The following ADRA1A variants were observed in gnomAD, a reference collection of about 807,000 sequenced individuals.
ADRA1A encodes alpha-1A adrenergic receptor.
Under a neutral mutation model 29.6 loss-of-function variants are expected in ADRA1A, and 31 were observed. That is an observed-to-expected ratio of 1.05 (90% confidence interval 0.79 to 1.41). ADRA1A has a LOEUF of 1.41. Among genes scored for constraint, ADRA1A ranks in the 40% most tolerant of loss-of-function variants. ADRA1A has a pLI of 0.00. For missense variants in ADRA1A, 619 were observed against 601.1 expected (o/e 1.03, Z -0.31); for synonymous variants, 311 against 254.3 (o/e 1.22, Z -2.12).
chr8:26,816,054 C>T (rs1479901663), intron 2 of ADRA1A, among the ~76,000 whole-genome samples: 1 of 152,190 alleles, frequency 6.6e-6, no homozygotes, highest in Non-Finnish European at 1.5e-5. Context: ...AGGCAAGACA[C>T]AGAAACAGTG....
At position 26,787,243 on chromosome 8, in the gene ADRA1A, A is replaced by G. The variant is rs1422828770; in HGVS notation, c.884-16577T>C. 1.3e-5 allele frequency among the ~76,000 whole-genome samples: 2 copies of G among 152,204 alleles called. No homozygotes were observed. Among genetic ancestry groups the G allele is most frequent in the Non-Finnish European group, 2.9e-5 (2 of 68,032 alleles). On this transcript the variant is annotated intron_variant, in intron 2 of 2. Coordinates refer to ENST00000380573, the MANE Select transcript of ADRA1A (RefSeq NM_000680.4). The surrounding 1 kb of genome is among the most constrained non-coding windows in gnomAD (Gnocchi z 4.2). ...ATAGTACTTGAAGTTCAAAACAAAG[A>G]CAATCATCAGAATAGCCAAGAAAAT... is the stretch of plus-strand genomic sequence containing the variant.
chr8:26,862,934 G>A (rs1813590135), intron 2 of ADRA1A, among the ~76,000 whole-genome samples: 1 of 152,184 alleles, frequency 6.6e-6, no homozygotes, highest in South Asian at 2.1e-4. Context: ...TGTGATTGCA[G>A]GATAATTGTG....
chr8:26,855,467 T>C (rs1370897096), intron 2 of ADRA1A, among the ~76,000 whole-genome samples: 1 of 146,154 alleles, frequency 6.8e-6, no homozygotes, highest in African/African-American at 2.5e-5. Context: ...AAAGCACAGA[T>C]AGGAAATTTC....
intron 2 of ADRA1A, among the ~76,000 whole-genome samples, chr8:26,861,476 T>C (rs1189678418): frequency 5.9e-5 from 9 of 151,990 alleles, no homozygotes; most frequent in Admixed American, 5.2e-4. Flanking sequence ...CTCTCTTTAC[T>C]CTCTTTATCT....
intron 2 of ADRA1A, among the ~76,000 whole-genome samples, chr8:26,797,280 T>C (rs773517811): frequency 3.3e-5 from 5 of 151,940 alleles, no homozygotes; most frequent in Non-Finnish European, 5.9e-5. Context: ...GTAATGGGTT[T>C]ATTATTTTTA....
chr8:26,764,736 T>C (rs1023417655), downstream of ADRA1A, among the ~76,000 whole-genome samples: 1 of 152,234 alleles, frequency 6.6e-6, no homozygotes, highest in Non-Finnish European at 1.5e-5. Flanking sequence ...AAGTGCTATA[T>C]AAACGGACAG....
At position 26,825,042 on chromosome 8, in the gene ADRA1A, C is replaced by T. The variant is rs765892170; in HGVS notation, c.883+39045G>A. On this transcript the variant is annotated intron_variant, in intron 2 of 2. Transcript: ENST00000380573. This position sits in a 1 kb window ranked among gnomAD's most constrained non-coding sequence, Gnocchi z 5.7. ...AGATCTGCAGTGTGGAATTGAGTTA[C>T]CAGTGGAGCAACATGCCAGCTTCCT... Among the ~76,000 whole-genome samples the T allele has an allele frequency of 2.0e-5, 3 of 152,076 alleles. No individual in the cohort carries two copies. The highest frequency in any genetic ancestry group is 4.4e-5 in the Non-Finnish European group (3 of 68,036).
chr8:26,843,241 T>A (rs146900504), intron 2 of ADRA1A, among the ~76,000 whole-genome samples: 13 of 152,356 alleles, frequency 8.5e-5, no homozygotes, highest in South Asian at 2.1e-4. Context: ...CCGCAGCAGA[T>A]GCTCAGTGCT....
At chr8:26,790,678 C>T (rs1807749953) in intron 2 of ADRA1A, among the ~76,000 whole-genome samples, 1 of 152,028 alleles carries the variant, frequency 6.6e-6, no homozygotes, top group African/African-American at 2.4e-5. Flanking sequence ...AATTTGACCA[C>T]TATACATTAT....
At chr8:26,812,795 G>C (rs1329565799) in intron 2 of ADRA1A, among the ~76,000 whole-genome samples, 1 of 151,794 alleles carries the variant, frequency 6.6e-6, no homozygotes, top group Non-Finnish European at 1.5e-5. Flanking sequence ...CTCCCGAGTA[G>C]CTGGGATTAC....
intron 2 of ADRA1A, among the ~76,000 whole-genome samples, chr8:26,774,865 A>AT (rs1377005208): frequency 6.6e-6 from 1 of 151,798 alleles, no homozygotes; most frequent in African/African-American, 2.4e-5. Context: ...GTCTGGTTCT[A>AT]TTTTCTCTGA....
At chr8:26,824,360 C>T (rs998521046) in intron 2 of ADRA1A, among the ~76,000 whole-genome samples, 7 of 152,008 alleles carry the variant, frequency 4.6e-5, no homozygotes, top group Admixed American at 3.3e-4. Context: ...TCCGTGTCAG[C>T]CCTGTTGCAT....
downstream of ADRA1A, among the ~76,000 whole-genome samples, chr8:26,765,398 G>A (rs1225444631): frequency 6.6e-6 from 1 of 152,166 alleles, no homozygotes; most frequent in Non-Finnish European, 1.5e-5. Flanking sequence ...CACTCATTCT[G>A]CTCCCAGGGG....
At chr8:26,766,065 C>T, downstream of ADRA1A, 1 of 1,613,772 alleles carries the variant, frequency 6.2e-7, no homozygotes, top group Admixed American at 1.7e-5. Flanking sequence ...CATTCTGAAC[C>T]CTTTCTCCAC....
chr8:26,765,224 A>G (rs1389632351), downstream of ADRA1A, among the ~76,000 whole-genome samples: 3 of 152,348 alleles, frequency 2.0e-5, no homozygotes, highest in East Asian at 5.8e-4. Context: ...AGCAAAGCAG[A>G]AATGACAATT....
intron 2 of ADRA1A, among the ~76,000 whole-genome samples, chr8:26,777,220 A>G (rs946633799): frequency 2.6e-5 from 4 of 152,202 alleles, no homozygotes; most frequent in Non-Finnish European, 4.4e-5. Flanking sequence ...TTAGATGGTG[A>G]CCAGGGCTCT....
intron 2 of ADRA1A, among the ~76,000 whole-genome samples, chr8:26,845,793 T>A (rs370640795): frequency 2.0e-5 from 3 of 152,186 alleles, no homozygotes; most frequent in African/African-American, 7.2e-5. Flanking sequence ...ATAACATGGA[T>A]GAAGCTTGAT....
intron 2 of ADRA1A, among the ~76,000 whole-genome samples, chr8:26,833,952 A>T (rs1811169460): frequency 6.6e-6 from 1 of 152,226 alleles, no homozygotes; most frequent in Non-Finnish European, 1.5e-5. Context: ...GAGAAGGAGG[A>T]GGAGCAGAGT....
intron 2 of ADRA1A, among the ~76,000 whole-genome samples, chr8:26,786,748 G>A (rs114052007): frequency 3.3e-5 from 5 of 151,446 alleles, no homozygotes; most frequent in African/African-American, 9.7e-5. Context: ...CTGGGTTGGG[G>A]GGGGGGGTCT....
Sources: gnomAD v4.1 joint callset for allele counts (sites outside exome capture counted in the v4.1 genomes callset) on GRCh38, gnomAD v4.1.1 for gene constraint, Gnocchi (gnomAD v3.1) non-coding constraint, MANE v1.5 for transcripts, NCBI Gene and HGNC (gene_info 2026-07-23, HGNC 2026-07-21) for gene names.